ZNF385D: variants seen among roughly 807,000 people sequenced by gnomAD.
ZNF385D encodes zinc finger protein 385D, also known as zinc finger protein 659.
In ZNF385D, 15 loss-of-function variants were observed where a neutral mutation model predicts 35.8. The observed-to-expected ratio is 0.42, with a 90% CI of 0.28 to 0.64. The LOEUF (loss-of-function observed/expected upper bound fraction) is 0.64. Ranked by LOEUF, ZNF385D falls within the 30% of genes least tolerant of loss-of-function variation. The probability of loss-of-function intolerance (pLI) is 0.23; values close to 1 mark genes in which losing one functional copy is unlikely to be tolerated. For synonymous variants in ZNF385D, 212 were observed against 186.8 expected, an observed-to-expected ratio of 1.13 and a Z score of -1.10; for missense variants, 474 against 494.6, an observed-to-expected ratio of 0.96 and a Z score of 0.39.
At chr3:21,502,512 C>T (rs769662529) in intron 4 of ZNF385D, among the ~76,000 whole-genome samples, 2 of 152,090 alleles carry the variant, frequency 1.3e-5, no homozygotes, top group African/African-American at 2.4e-5. Context: ...ATATCTAGGT[C>T]AAAACTTTTA....
intron 2 of ZNF385D, among the ~76,000 whole-genome samples, chr3:21,570,024 T>A (rs1416365262): frequency 6.6e-6 from 1 of 151,728 alleles, no homozygotes; most frequent in East Asian, 1.9e-4. Context: ...AACCTGCACA[T>A]TGTGCACATG....
At chr3:21,454,772 T>C (rs942672523) in intron 4 of ZNF385D, among the ~76,000 whole-genome samples, 1 of 152,262 alleles carries the variant, frequency 6.6e-6, no homozygotes, top group African/African-American at 2.4e-5. Flanking sequence ...TAAAGGGTAT[T>C]CAATTATGAA....
intron 3 of ZNF385D, among the ~76,000 whole-genome samples, chr3:22,004,213 A>C (rs35636257): frequency 0.27 from 41,435 of 152,052 alleles, 6,246 homozygotes; most frequent in South Asian, 0.43. Context: ...TACCGTCTTC[A>C]ATAAATGGTA....
intron 7 of ZNF385D, among the ~76,000 whole-genome samples, chr3:21,423,363 T>G (rs915792985): frequency 4.6e-5 from 7 of 152,228 alleles, no homozygotes. Context: ...ACAGTTGTTC[T>G]TAACTTTTCA....
intron 3 of ZNF385D, among the ~76,000 whole-genome samples, chr3:21,960,285 T>C (rs1203178243): frequency 6.6e-6 from 1 of 151,438 alleles, no homozygotes; most frequent in East Asian, 1.9e-4. Context: ...AAATAAACAT[T>C]TCTCAAAAGA....
chr3:22,030,151 G>A (rs1697847119), intron 3 of ZNF385D, among the ~76,000 whole-genome samples: 1 of 150,214 alleles, frequency 6.7e-6, no homozygotes, highest in Middle Eastern at 3.2e-3. Context: ...CAGACTCCAA[G>A]TTCTTCAGTT....
At chr3:21,841,827 C>T (rs992507638) in intron 3 of ZNF385D, among the ~76,000 whole-genome samples, 10 of 151,568 alleles carry the variant, frequency 6.6e-5, no homozygotes, top group Admixed American at 3.3e-4. Flanking sequence ...TGTAAATTCG[C>T]AATTCATACA....
chr3:22,237,787 G>A (rs761686303), intron 2 of ZNF385D, among the ~76,000 whole-genome samples: 4 of 151,996 alleles, frequency 2.6e-5, no homozygotes, highest in Non-Finnish European at 5.9e-5. Flanking sequence ...GGGACTACAG[G>A]TGCACACCAC....
chr3:21,890,216 A>T (rs972734187), intron 3 of ZNF385D, among the ~76,000 whole-genome samples: 1 of 152,144 alleles, frequency 6.6e-6, no homozygotes. Flanking sequence ...TGATGTATAG[A>T]GGGAGAGAAT....
chr3:22,077,835 G>A (rs895435662), intron 3 of ZNF385D, among the ~76,000 whole-genome samples: 15 of 151,862 alleles, frequency 9.9e-5, no homozygotes, highest in African/African-American at 3.4e-4. Flanking sequence ...GTGTGTTAGT[G>A]ATAGGTTACT....
chr3:22,066,229 G>C (rs1576254102), intron 3 of ZNF385D, among the ~76,000 whole-genome samples: 1 of 151,996 alleles, frequency 6.6e-6, no homozygotes, highest in South Asian at 2.1e-4. Flanking sequence ...AAGAGAGACT[G>C]CTTATGAAAC....
In ZNF385D at chr3:22,234,949, C is replaced by T. The variant is rs562213514; in HGVS notation, c.107-65914G>A. 6.7e-4 allele frequency among the ~76,000 whole-genome samples: 102 copies of T among 152,028 alleles called. 1 individual carries two copies. Among genetic ancestry groups the T allele is most frequent in the Non-Finnish European group, 2.7e-4 (18 of 67,904 alleles). The stretch of plus-strand genomic sequence containing the variant: ...GCCAGGCAAAATATCTTCAAGTAAA[C>T]ATTTTTATAGTACCAAATAAGAAAA... On this transcript the variant is annotated intron_variant, in intron 2 of 5. Coordinates refer to the ZNF385D transcript ENST00000494108.
At chr3:22,311,408 C>T (rs897099752) in intron 2 of ZNF385D, among the ~76,000 whole-genome samples, 2 of 152,002 alleles carry the variant, frequency 1.3e-5, no homozygotes, top group African/African-American at 4.8e-5. Flanking sequence ...TATTCTACTA[C>T]TTTAATAAAT....
chr3:21,537,366 C>G (rs1342455238), intron 3 of ZNF385D, among the ~76,000 whole-genome samples: 2 of 151,636 alleles, frequency 1.3e-5, no homozygotes, highest in African/African-American at 4.8e-5. Flanking sequence ...CTCTTGACCT[C>G]AGGTGATTCA....
At chr3:21,522,280 T>C (rs548134520) in intron 3 of ZNF385D, among the ~76,000 whole-genome samples, 5 of 152,254 alleles carry the variant, frequency 3.3e-5, no homozygotes, top group Admixed American at 1.3e-4. Context: ...TCTTAAATAA[T>C]GCTTTCCTCC....
intron 2 of ZNF385D, among the ~76,000 whole-genome samples, chr3:21,591,730 G>A (rs1050888195): frequency 3.3e-5 from 5 of 152,070 alleles, no homozygotes; most frequent in African/African-American, 7.2e-5. Context: ...CTGTCCACAA[G>A]CTTCTTTGAG....
At chr3:22,031,080 G>T (rs77685148) in intron 3 of ZNF385D, among the ~76,000 whole-genome samples, 1 of 152,202 alleles carries the variant, frequency 6.6e-6, no homozygotes, top group African/African-American at 2.4e-5. Context: ...CAATGCTTTA[G>T]CAGCTCTGCC....
At chr3:22,158,757 T>G (rs1055846518) in intron 3 of ZNF385D, among the ~76,000 whole-genome samples, 50 of 151,642 alleles carry the variant, frequency 3.3e-4, no homozygotes, top group African/African-American at 1.2e-3. Context: ...AGAGAAGGAG[T>G]GCCAGGCCTG....
intron 1 of ZNF385D, among the ~76,000 whole-genome samples, chr3:21,694,330 C>G (rs944904094): frequency 1.3e-5 from 2 of 152,022 alleles, no homozygotes; most frequent in Non-Finnish European, 2.9e-5. Flanking sequence ...CCACCGCGCC[C>G]AGCCTAGAAA....
Sources: allele counts gnomAD v4.1 joint callset (sites outside exome capture counted in the v4.1 genomes callset), GRCh38; gene constraint gnomAD v4.1.1; transcripts MANE v1.5; gene names NCBI Gene and HGNC (gene_info 2026-07-23, HGNC 2026-07-21).